ZNF444: variants seen among roughly 807,000 people sequenced by gnomAD.
ZNF444 encodes the protein zinc finger protein 444, also known as endothelial zinc finger protein 2.
Under a neutral mutation model 14.4 loss-of-function variants are expected in ZNF444, and 8 were observed. That is an observed-to-expected ratio of 0.56 (90% CI 0.33 to 1.00). ZNF444 has a LOEUF of 1.00. Among genes scored for constraint, ZNF444 ranks in the 50% least tolerant of loss-of-function variants. The pLI is 0.03. For synonymous variants in ZNF444, 258 were observed against 235.9 expected, an observed-to-expected ratio of 1.09 and a Z score of -0.86; for missense variants, 510 against 504.8, an observed-to-expected ratio of 1.01 and a Z score of -0.10.
chr19:56,135,058 C>T (rs956553328), intron 1 of ZNF444, among the ~76,000 whole-genome samples: 5 of 152,010 alleles, frequency 3.3e-5, no homozygotes, highest in Middle Eastern at 3.2e-3. Context: ...GGTGAAACCC[C>T]GTCTCTACTA....
intron 4 of ZNF444, 126 bp downstream of exon 4, chr19:56,158,728 G>T: frequency 1.1e-6 from 1 of 880,736 alleles, no homozygotes; most frequent in Non-Finnish European, 1.7e-6. Context: ...GAGGAGCCCC[G>T]GGGTTCGGAC....
At position 56,147,273 on chromosome 19, in the gene ZNF444, G is replaced by A; in HGVS notation, c.297+65G>A. On this transcript the variant is annotated intron_variant, in intron 3 of 4. Transcript: ENST00000337080. The surrounding 1 kb of genome is among the most constrained non-coding windows in gnomAD (Gnocchi z 5.9). ...AAGGTGCCAGGGAAGCCACCAGGAA[G>A]CCCAGGGAGGAGCACCACTGAACCC... The A allele has an allele frequency of 7.2e-7, 1 of 1,386,116 alleles. No individual in the cohort carries two copies. The highest frequency in any genetic ancestry group is 9.3e-7 in the Non-Finnish European group (1 of 1,075,416). The allele number at this position is 1,386,116 out of a possible 1,614,324, so 85.9% of individuals were successfully genotyped here. A position where few individuals can be genotyped will look rare whatever the true frequency, so the allele number is the denominator to read the frequency against.
intron 1 of ZNF444, among the ~76,000 whole-genome samples, chr19:56,136,154 C>T (rs914519875): frequency 1.1e-4 from 16 of 149,790 alleles, no homozygotes; most frequent in African/African-American, 2.7e-4. Flanking sequence ...TTATTAACCA[C>T]GCTCACCCCC....
chr19:56,159,529 C>T, intron 4 of ZNF444, 95 bp from the exon 5 acceptor site: 1 of 1,142,206 alleles, frequency 8.8e-7, no homozygotes, highest in Non-Finnish European at 1.2e-6. Flanking sequence ...ATGGTTTCTG[C>T]CTTTAAGCGT....
Position 56,160,196 on chromosome 19 carries a change from G to A in ZNF444, c.979G>A (p.Gly327Ser). ...GGGPFPPWPL[G>S] Reference sequence around the variant, plus strand: ...AGGCCCCTTCCCGCCCTGGCCCTTGGGTTAGCCGCCTCCCGGCCAGCGCCA... The same window carrying A: ...AGGCCCCTTCCCGCCCTGGCCCTTGAGTTAGCCGCCTCCCGGCCAGCGCCA... The change falls in exon 5 of 5, where the codon GGT (glycine) becomes AGT (serine). Residue 327 changes from glycine to serine, a missense_variant. Coordinates refer to ENST00000337080, the MANE Select transcript of ZNF444 (RefSeq NM_018337.4). The A allele has an allele frequency of 6.9e-7, 1 of 1,451,872 alleles. No homozygotes were observed. Among genetic ancestry groups the A allele is most frequent in the South Asian group, 1.4e-5 (1 of 73,108 alleles). 89.9% of individuals were successfully genotyped at this position (1,451,872 alleles called of 1,614,324 possible). A position where few individuals can be genotyped will look rare whatever the true frequency, so the allele number is the denominator to read the frequency against.
rs370737867 is a variant in ZNF444 at position 56,158,453 on chromosome 19, T to A, written c.298-41T>A. The A allele has an allele frequency of 3.9e-6, 6 of 1,554,824 alleles. No individual in the cohort carries two copies. In the African/African-American group the frequency reaches 8.3e-5, roughly 21 times the overall value. ...TTGGGAGAGGGAGAAATAGAGGCCC[T>A]TGCTCAGGTTTCTGAGTTCAAAACT... On this transcript the variant is annotated intron_variant, in intron 3 of 4. Coordinates refer to ENST00000337080, the MANE Select transcript of ZNF444 (RefSeq NM_018337.4).
In ZNF444 at chr19:56,159,968, G is replaced by A. The variant is rs752524959; in HGVS notation, c.751G>A (p.Ala251Thr). The A allele has an allele frequency of 6.6e-7, 1 of 1,508,776 alleles. No individual in the cohort carries two copies. Among genetic ancestry groups the A allele is most frequent in the Non-Finnish European group, 8.8e-7 (1 of 1,133,450 alleles). The allele number at this position is 1,508,776 out of a possible 1,614,324, so 93.5% of individuals were successfully genotyped here. Residue 251 changes from alanine (A) to threonine (T), a missense_variant, in exon 5 of 5, where the codon GCG becomes ACG. Coordinates refer to ENST00000337080, the MANE Select transcript of ZNF444 (RefSeq NM_018337.4). Reference sequence around the variant, plus strand: ...TCTGCCCGCCCGTGAGAAGCCCCACGCGTGCTGCGAGTGTGGCAAGACCTT... The same window carrying A: ...TCTGCCCGCCCGTGAGAAGCCCCACACGTGCTGCGAGTGTGGCAAGACCTT... ...RPLPAREKPH[A>T]CCECGKTFYW...
chr19:56,138,952 A>G (rs1160713872), upstream of ZNF444, among the ~76,000 whole-genome samples: 1 of 151,758 alleles, frequency 6.6e-6, no homozygotes, highest in Non-Finnish European at 1.5e-5. Flanking sequence ...GCCCGCCACC[A>G]TGCCCAGCTA....
intron 3 of ZNF444, among the ~76,000 whole-genome samples, chr19:56,152,167 A>G (rs2031622988): frequency 6.6e-6 from 1 of 152,116 alleles, no homozygotes; most frequent in Admixed American, 6.5e-5. Context: ...CTGCGTCTCT[A>G]CTAAAAATAC....
In ZNF444 at chr19:56,160,031, C is replaced by A; in HGVS notation, c.814C>A (p.His272Asn). Residue 272 changes from histidine to asparagine, a missense_variant, in exon 5 of 5, where the codon CAC becomes AAC. His to Asn is a moderately conservative substitution (Grantham distance 68). Coordinates refer to ENST00000337080, the MANE Select transcript of ZNF444 (RefSeq NM_018337.4). ...REHLVRHRKT[H>N]SGARPFACWE... Reference sequence around the variant, plus strand: ...GCACCTGGTGCGCCACCGCAAGACGCACTCGGGAGCGCGGCCCTTTGCCTG... The same window carrying A: ...GCACCTGGTGCGCCACCGCAAGACGAACTCGGGAGCGCGGCCCTTTGCCTG... 1 of 1,510,628 alleles carries A rather than the reference C, an allele frequency of 6.6e-7. No homozygotes were observed. Among genetic ancestry groups the A allele is most frequent in the Non-Finnish European group, 8.8e-7 (1 of 1,135,208 alleles). 93.6% of individuals were successfully genotyped at this position (1,510,628 alleles called of 1,614,324 possible).
rs1324472545 is a variant in ZNF444 at position 56,160,228 on chromosome 19, G to A, written c.*27G>A. ...CGCCTCCCGGCCAGCGCCATCTCCC[G>A]CCCTTGGTGCTGCCCCCGGGCGGTA... is the stretch of plus-strand genomic sequence containing the variant. On this transcript the variant is annotated 3_prime_UTR_variant, in exon 5 of 5. Transcript: ENST00000337080. The A allele has an allele frequency of 1.8e-5, 25 of 1,408,642 alleles. No individual in the cohort carries two copies. The highest frequency in any genetic ancestry group is 5.9e-5 in the East Asian group (2 of 33,922). 87.3% of individuals were successfully genotyped at this position (1,408,642 alleles called of 1,614,324 possible). A position where few individuals can be genotyped will look rare whatever the true frequency, so the allele number is the denominator to read the frequency against.
upstream of ZNF444, among the ~76,000 whole-genome samples, chr19:56,136,928 G>A (rs2030625587): frequency 6.6e-6 from 1 of 151,986 alleles, no homozygotes; most frequent in African/African-American, 2.4e-5. Context: ...TTACAGGGAT[G>A]CACCACTACA....
Position 56,144,661 on chromosome 19 carries a change from C to G in ZNF444, c.-196-1586C>G, listed in dbSNP as rs374725347. ...TATCAGGAGGAAAATTGTCTGAACACAGACTTCCTCTCAGACCTCACCGGC... is the reference window on the plus strand; with the variant it reads ...TATCAGGAGGAAAATTGTCTGAACAGAGACTTCCTCTCAGACCTCACCGGC... On this transcript the variant is annotated intron_variant, in intron 1 of 4. Transcript: ENST00000337080. The surrounding 1 kb of genome is among the most constrained non-coding windows in gnomAD (Gnocchi z 4.0). Among the ~76,000 whole-genome samples, 9 of 152,180 alleles carry G rather than the reference C, an allele frequency of 5.9e-5. No homozygotes were observed. Among genetic ancestry groups the G allele is most frequent in the African/African-American group, 2.2e-4 (9 of 41,440 alleles).
At chr19:56,146,187 T>G (rs1425412521) in intron 1 of ZNF444, 60 bp from the exon 2 acceptor site, 1 of 152,934 alleles carries the variant, frequency 6.5e-6, no homozygotes, top group Non-Finnish European at 1.5e-5. Context: ...GTGCTGATGG[T>G]GACCTGCTGC....
At chr19:56,135,081 A>G (rs2030580378) in intron 1 of ZNF444, among the ~76,000 whole-genome samples, 1 of 152,030 alleles carries the variant, frequency 6.6e-6, no homozygotes, top group Admixed American at 6.6e-5. Context: ...AATACAAAAA[A>G]TCAGCCAGGC....
upstream of ZNF444, chr19:56,140,993 C>T (rs926302325): frequency 6.6e-6 from 1 of 152,200 alleles, no homozygotes; most frequent in Non-Finnish European, 1.5e-5. Context: ...CGCGCTCAGA[C>T]AGCCCGCGAC....
upstream of ZNF444, among the ~76,000 whole-genome samples, chr19:56,139,104 G>A (rs1288442037): frequency 6.6e-6 from 1 of 151,918 alleles, no homozygotes; most frequent in Non-Finnish European, 1.5e-5. Context: ...TAGCTTGAAT[G>A]TACTTAATGC....
chr19:56,159,804 G>T lies in ZNF444; in HGVS notation c.587G>T (p.Arg196Leu). 7 of 1,585,726 alleles carry T rather than the reference G, an allele frequency of 4.4e-6. No homozygotes were observed. The highest frequency in any genetic ancestry group is 6.0e-6 in the Non-Finnish European group (7 of 1,171,294). ...TCCCTGAAACCAGCTCACCTGCTGCGCCACCGGCAGAGCCACTCGGGCGAG... is the reference window on the plus strand; with the variant it reads ...TCCCTGAAACCAGCTCACCTGCTGCTCCACCGGCAGAGCCACTCGGGCGAG... ...KTSLKPAHLL[R>L]HRQSHSGEKP... The change falls in exon 5 of 5, where the codon CGC (arginine) becomes CTC (leucine). Residue 196 changes from arginine to leucine, a missense_variant. Coordinates refer to ENST00000337080, the MANE Select transcript of ZNF444 (RefSeq NM_018337.4).
Position 56,146,943 on chromosome 19 carries a change from C to T in ZNF444, c.32C>T (p.Ala11Val), listed in dbSNP as rs2031225564. 2 of 1,444,738 alleles carry T rather than the reference C, an allele frequency of 1.4e-6. No individual in the cohort carries two copies. The highest frequency in any genetic ancestry group is 1.8e-6 in the Non-Finnish European group (2 of 1,108,924). 89.5% of individuals were successfully genotyped at this position (1,444,738 alleles called of 1,614,324 possible). A position where few individuals can be genotyped will look rare whatever the true frequency, so the allele number is the denominator to read the frequency against. ...GTGGCGGTGCCCGTGAAGCAGGAGG[C>T]CGAGGGCCTGGCGCTGGACTCCCCG... MEVAVPVKQE[A>V]EGLALDSPWH... The change falls in exon 3 of 5, where the codon GCC becomes GTC. Residue 11 changes from alanine (A) to valine (V), a missense_variant. Transcript: ENST00000337080.
Sources: allele counts gnomAD v4.1 joint callset (sites outside exome capture counted in the v4.1 genomes callset), GRCh38; gene constraint gnomAD v4.1.1; non-coding constraint Gnocchi (gnomAD v3.1); transcripts MANE v1.5; gene names NCBI Gene and HGNC (gene_info 2026-07-23, HGNC 2026-07-21).